DLGAP1: variants seen among roughly 807,000 people sequenced by gnomAD.
DLGAP1 encodes DLG associated protein 1, also known as disks large-associated protein 1.
A neutral mutation model predicts 90.8 loss-of-function variants in DLGAP1; 11 were observed. The observed-to-expected ratio is 0.12, with a 90% confidence interval of 0.08 to 0.20. DLGAP1 has a LOEUF of 0.20. Among genes scored for constraint, DLGAP1 ranks in the 10% least tolerant of loss-of-function variants. The probability of loss-of-function intolerance (pLI) is 1.00; values close to 1 mark genes in which losing one functional copy is unlikely to be tolerated. For missense variants in DLGAP1, 1,050 were observed against 1,333.8 expected (o/e 0.79, Z 3.31); for synonymous variants, 558 against 540.7 (o/e 1.03, Z -0.44).
intron 3 of DLGAP1, among the ~76,000 whole-genome samples, chr18:3,888,622 C>T (rs1437654289): frequency 1.3e-5 from 2 of 151,194 alleles, no homozygotes; most frequent in Non-Finnish European, 2.9e-5. Flanking sequence ...AGCACAATTA[C>T]AATCACCTGC....
At chr18:3,804,710 G>T (rs1355291079) in intron 5 of DLGAP1, among the ~76,000 whole-genome samples, 1 of 152,186 alleles carries the variant, frequency 6.6e-6, no homozygotes, top group Non-Finnish European at 1.5e-5. Flanking sequence ...ACTCATGGAG[G>T]GTACTGTTCA....
chr18:3,932,339 C>T (rs1365024074), intron 3 of DLGAP1, among the ~76,000 whole-genome samples: 1 of 152,272 alleles, frequency 6.6e-6, no homozygotes, highest in East Asian at 1.9e-4. Context: ...AGCAATTTTT[C>T]CCTCTAGACA....
At chr18:3,514,374 A>G (rs554047876) in intron 10 of DLGAP1, among the ~76,000 whole-genome samples, 2 of 152,324 alleles carry the variant, frequency 1.3e-5, no homozygotes, top group East Asian at 3.9e-4. Context: ...CATATTTCTT[A>G]TACCCTCAAA....
intron 7 of DLGAP1, among the ~76,000 whole-genome samples, chr18:3,720,895 A>AAAAAAAAAG (rs1555640991): frequency 6.4e-5 from 9 of 140,492 alleles, no homozygotes; most frequent in South Asian, 2.2e-4. Flanking sequence ...CTACAAAAAA[A>AAAAAAAAAG]AAAAAAAAAA....
At chr18:4,277,044 G>T (rs2079432875) in intron 1 of DLGAP1, among the ~76,000 whole-genome samples, 2 of 152,162 alleles carry the variant, frequency 1.3e-5, no homozygotes, top group African/African-American at 2.4e-5. Flanking sequence ...AGCTCATGCT[G>T]ATTTTTAAAA....
chr18:3,989,826 A>G (rs2073924440), intron 3 of DLGAP1, among the ~76,000 whole-genome samples: 2 of 152,120 alleles, frequency 1.3e-5, no homozygotes, highest in Non-Finnish European at 2.9e-5. Flanking sequence ...GGTGAAGGAT[A>G]TGAACAGACA....
rs573027327 is a variant in DLGAP1 at position 4,025,876 on chromosome 18, AAC to A, written c.-158-20677_-158-20676del. ...GAATATATTGAAGGTATTTTTAAAA[AAC>A]AGTTACTTTGATTTGAAACAATCTC... On this transcript the variant is annotated intron_variant, in intron 2 of 12. Coordinates refer to ENST00000315677, the MANE Select transcript of DLGAP1 (RefSeq NM_004746.4). Among the ~76,000 whole-genome samples the A allele has an allele frequency of 1.8e-3, 273 of 152,348 alleles. 1 individual carries two copies. The highest frequency in any genetic ancestry group is 2.6e-3 in the Non-Finnish European group (175 of 68,028).
At chr18:3,853,778 C>T (rs1020289245) in intron 4 of DLGAP1, among the ~76,000 whole-genome samples, 3 of 151,968 alleles carry the variant, frequency 2.0e-5, no homozygotes, top group Admixed American at 6.6e-5. Context: ...GATTTTGGAG[C>T]ATTTAGGATT....
intron 7 of DLGAP1, among the ~76,000 whole-genome samples, chr18:3,664,215 CACCCACA>C (rs2059796934): frequency 1.1e-5 from 1 of 88,584 alleles, no homozygotes; most frequent in Non-Finnish European, 2.3e-5. Context: ...CACACACACA[CACCCACA>C]CACACACACA....
rs2081231214 is a variant in DLGAP1, at chr18:4,343,161, G to A, written c.-267+111845C>T. On this transcript the variant is annotated intron_variant, in intron 1 of 12. Coordinates refer to ENST00000315677, the MANE Select transcript of DLGAP1 (RefSeq NM_004746.4). Reference sequence around the variant, plus strand: ...TCTCTACTAAAAATACAAAAAATTAGCCGGGCGTGGTGGCAGGCGCCTGTA... The same window carrying A: ...TCTCTACTAAAAATACAAAAAATTAACCGGGCGTGGTGGCAGGCGCCTGTA... Among the ~76,000 whole-genome samples the A allele has an allele frequency of 3.3e-5, 5 of 152,090 alleles. No individual in the cohort carries two copies. The South Asian group carries it at 1.0e-3, about 32-fold the overall frequency.
intron 3 of DLGAP1, among the ~76,000 whole-genome samples, chr18:3,905,366 CAAAAAAA>C (rs71160924): frequency 3.0e-4 from 6 of 19,808 alleles, no homozygotes; most frequent in Non-Finnish European, 4.5e-4. Flanking sequence ...GACTCCATCT[CAAAAAAA>C]AAAAAAAAAA....
At chr18:4,051,074 T>C (rs2075127229) in intron 2 of DLGAP1, among the ~76,000 whole-genome samples, 1 of 152,192 alleles carries the variant, frequency 6.6e-6, no homozygotes, top group Non-Finnish European at 1.5e-5. Context: ...TCCCAAACAG[T>C]TTGTGTGTTT....
At chr18:4,421,540 CT>C (rs2083030929) in intron 1 of DLGAP1, among the ~76,000 whole-genome samples, 1 of 152,062 alleles carries the variant, frequency 6.6e-6, no homozygotes, top group East Asian at 1.9e-4. Context: ...TACAAGCACT[CT>C]GTCATATATT....
intron 11 of DLGAP1, among the ~76,000 whole-genome samples, chr18:3,507,083 G>C (rs1489789468): frequency 1.3e-5 from 2 of 152,050 alleles, no homozygotes; most frequent in African/African-American, 2.4e-5. Context: ...AAAGAGAAAA[G>C]AGGGATGGAG....
intron 3 of DLGAP1, among the ~76,000 whole-genome samples, chr18:4,001,052 C>T (rs934998184): frequency 8.6e-5 from 13 of 151,886 alleles, no homozygotes; most frequent in African/African-American, 3.1e-4. Context: ...ATTTGTTCTC[C>T]TATTCCTATT....
chr18:4,180,546 GT>G (rs1278939083), intron 1 of DLGAP1, among the ~76,000 whole-genome samples: 1 of 152,102 alleles, frequency 6.6e-6, no homozygotes, highest in Non-Finnish European at 1.5e-5. Flanking sequence ...TTATTATTGA[GT>G]TTAATAAACT....
At chr18:3,900,682 G>C (rs1047553136) in intron 3 of DLGAP1, among the ~76,000 whole-genome samples, 1 of 152,156 alleles carries the variant, frequency 6.6e-6, no homozygotes, top group Admixed American at 6.5e-5. Context: ...TGGGATGCAG[G>C]AGGAATCACA....
At chr18:3,617,514 C>A (rs529519567) in intron 7 of DLGAP1, among the ~76,000 whole-genome samples, 11 of 149,326 alleles carry the variant, frequency 7.4e-5, no homozygotes, top group African/African-American at 2.7e-4. Flanking sequence ...GCAGAAGAAT[C>A]CGGGAGGTGG....
At chr18:3,851,342 G>A (rs1173794558) in intron 4 of DLGAP1, among the ~76,000 whole-genome samples, 1 of 152,154 alleles carries the variant, frequency 6.6e-6, no homozygotes, top group Non-Finnish European at 1.5e-5. Flanking sequence ...CATGTGACAG[G>A]CAGCCTGTGA....
Sources: gnomAD v4.1 joint callset for allele counts (sites outside exome capture counted in the v4.1 genomes callset) on GRCh38, gnomAD v4.1.1 for gene constraint, MANE v1.5 for transcripts, NCBI Gene and HGNC (gene_info 2026-07-23, HGNC 2026-07-21) for gene names.